Variants in AKAP8 observed in about 807,000 individuals in gnomAD.
AKAP8 encodes A-kinase anchoring protein 8, also known as A-kinase anchor protein 8.
A neutral mutation model predicts 67.5 loss-of-function variants in AKAP8; 24 were observed. That is an observed-to-expected ratio of 0.36 (90% CI 0.26 to 0.50). The LOEUF (loss-of-function observed/expected upper bound fraction) is 0.50. Among genes scored for constraint, AKAP8 ranks in the 20% least tolerant of loss-of-function variants. The pLI is 0.97. For missense variants in AKAP8, 971 were observed against 955.9 expected, an observed-to-expected ratio of 1.02 and a Z score of -0.21; for synonymous variants, 400 against 371.1, an observed-to-expected ratio of 1.08 and a Z score of -0.90.
chr19:15,364,086 AAATAAATAAATT>A (rs1475771677), intron 9 of AKAP8, among the ~76,000 whole-genome samples: 3 of 43,744 alleles, frequency 6.9e-5, no homozygotes, highest in East Asian at 1.6e-3. Context: ...ATAAATAAAT[AAATAAATAAATT>A]GGCAGTGGGC....
In AKAP8 at chr19:15,369,154, T is replaced by C; in HGVS notation, c.1073-832A>G. 1 of 985,498 alleles carries C rather than the reference T, an allele frequency of 1.0e-6. No homozygotes were observed. The highest frequency in any genetic ancestry group is 1.2e-6 in the Non-Finnish European group (1 of 829,954). 61.0% of individuals were successfully genotyped at this position (985,498 alleles called of 1,614,324 possible). ...CTCTCAAAAGGGCGTGTGGGATTTT[T>C]GGCAAGAGGTCACTGCCTGAAACTA... On this transcript the variant is annotated intron_variant, in intron 8 of 13. Transcript: ENST00000269701. The surrounding 1 kb of genome is among the most constrained non-coding windows in gnomAD (Gnocchi z 4.6).
At chr19:15,366,781 G>C (rs1014457994) in intron 9 of AKAP8, among the ~76,000 whole-genome samples, 3 of 151,886 alleles carry the variant, frequency 2.0e-5, no homozygotes, top group South Asian at 4.2e-4. Context: ...GACGAATTTT[G>C]TATTTTTAGT....
At chr19:15,361,939 C>T (rs1030504775) in intron 10 of AKAP8, 117 bp from the exon 11 acceptor site, 85 of 1,348,838 alleles carry the variant, frequency 6.3e-5, no homozygotes, top group Non-Finnish European at 3.6e-5. Flanking sequence ...CAGCACAGCA[C>T]GATGGCTGGA....
chr19:15,367,726 A>T (rs1238598942), intron 9 of AKAP8, among the ~76,000 whole-genome samples: 1 of 152,204 alleles, frequency 6.6e-6, no homozygotes, highest in Admixed American at 6.5e-5. Flanking sequence ...CTATTGTGGG[A>T]CAAAATCTTG....
Position 15,369,060 on chromosome 19 carries a change from C to A in AKAP8, c.1073-738G>T. 1.0e-6 allele frequency: 1 copy of A among 985,624 alleles called. No homozygotes were observed. The highest frequency in any genetic ancestry group is 1.2e-6 in the Non-Finnish European group (1 of 830,088). The allele number at this position is 985,624 out of a possible 1,614,324, so 61.1% of individuals were successfully genotyped here. A position where few individuals can be genotyped will look rare whatever the true frequency, so the allele number is the denominator to read the frequency against. On this transcript the variant is annotated intron_variant, in intron 8 of 13. Coordinates refer to ENST00000269701, the MANE Select transcript of AKAP8 (RefSeq NM_005858.4). This position sits in a 1 kb window ranked among gnomAD's most constrained non-coding sequence, Gnocchi z 4.6. ...GGTTGGAGAAGCATCTGAACTGTAA[C>A]CCCTACCCCTGATGCCAGTCCCGAG...
intron 7 of AKAP8, among the ~76,000 whole-genome samples, chr19:15,371,162 GGAAGGCCCTCCTTCCC>G (rs1386661218): frequency 2.6e-5 from 4 of 152,122 alleles, no homozygotes; most frequent in Non-Finnish European, 5.9e-5. Context: ...AAGGACTTGG[GGAAGGCCCTCCTTCCC>G]ACTCTGGACC....
At chr19:15,361,894 G>T in intron 10 of AKAP8, 72 bp from the exon 11 acceptor site, 2 of 1,465,572 alleles carry the variant, frequency 1.4e-6, no homozygotes, top group Non-Finnish European at 1.9e-6. Context: ...AACTGCCAGG[G>T]CTAGGCAGGC....
intron 9 of AKAP8, among the ~76,000 whole-genome samples, chr19:15,367,464 G>A (rs1202773955): frequency 6.6e-6 from 1 of 152,124 alleles, no homozygotes; most frequent in East Asian, 1.9e-4. Context: ...GGAGGCAGAG[G>A]TTATAGTGAG....
At chr19:15,363,149 C>G (rs910243674) in intron 9 of AKAP8, among the ~76,000 whole-genome samples, 76 of 149,282 alleles carry the variant, frequency 5.1e-4, no homozygotes, top group Non-Finnish European at 8.8e-4. Flanking sequence ...AAGTAAGGAG[C>G]CCCTCCGCCC....
intron 11 of AKAP8, among the ~76,000 whole-genome samples, chr19:15,361,279 T>C (rs553922416): frequency 1.3e-3 from 191 of 152,098 alleles, no homozygotes; most frequent in African/African-American, 4.5e-3. Flanking sequence ...TTTCTTTCCA[T>C]TGCTGCTGAG....
chr19:15,377,186 C>A (rs973471579), intron 1 of AKAP8, among the ~76,000 whole-genome samples, 172 bp from the exon 2 acceptor site: 2 of 152,124 alleles, frequency 1.3e-5, no homozygotes, highest in African/African-American at 2.4e-5. Flanking sequence ...ATGGCGTCAT[C>A]GCATTCCACC....
rs61750058 is a variant in AKAP8, at chr19:15,373,007, C to G, written c.705G>C (p.Leu235=). 1.5e-3 allele frequency: 2,418 copies of G among 1,571,888 alleles called. 61 individuals carry two copies. The South Asian group carries it at 0.026, about 17-fold the overall frequency. ...GTGGCCGGCTGGGGGAGGGCCCTCC[C>G]AGGCCCCGTCCACCCACGTAGTTCA... ...NELNYVGGRG[L]GGPSPSRPPP... is the part of the protein sequence containing the mutation. Residue 235 remains leucine (L), a synonymous_variant, in exon 5 of 14, where the codon CTG becomes CTC. Transcript: ENST00000269701.
At chr19:15,358,662 C>T (rs1189118831) in intron 13 of AKAP8, among the ~76,000 whole-genome samples, 1 of 152,028 alleles carries the variant, frequency 6.6e-6, no homozygotes, top group Non-Finnish European at 1.5e-5. Flanking sequence ...TTGGGTTTTT[C>T]TTAAAAAATC....
Position 15,373,827 on chromosome 19 carries a change from G to C in AKAP8, c.330C>G (p.Gly110=). 6.2e-7 allele frequency: 1 copy of C among 1,611,792 alleles called. No individual in the cohort carries two copies. The highest frequency in any genetic ancestry group is 8.5e-7 in the Non-Finnish European group (1 of 1,179,862). ...LDMMSKEGGR[G]GSGGGGEGIQ... ...TGCCCTCCCCACCGCCGCCGCTCCC[G>C]CCCCTGCCTCCTTCCTTGGACATCA... The change falls in exon 4 of 14, where the codon GGC becomes GGG. Residue 110 remains glycine, a synonymous_variant. Coordinates refer to ENST00000269701, the MANE Select transcript of AKAP8 (RefSeq NM_005858.4).
intron 13 of AKAP8, among the ~76,000 whole-genome samples, chr19:15,357,304 C>T (rs933489325): frequency 5.3e-5 from 8 of 151,276 alleles, no homozygotes; most frequent in African/African-American, 1.9e-4. Flanking sequence ...TGGTGGGCGC[C>T]TGTAGTCCCA....
intron 2 of AKAP8, 24 bp from the exon 3 acceptor site, chr19:15,374,659 A>C: frequency 1.2e-6 from 2 of 1,613,220 alleles, no homozygotes; most frequent in Non-Finnish European, 1.7e-6. Context: ...GAAACACACA[A>C]GAGCCCTGTT....
intron 1 of AKAP8, chr19:15,379,386 G>T (rs1336291193): frequency 5.8e-6 from 2 of 341,924 alleles, no homozygotes; most frequent in Non-Finnish European, 1.1e-5. Flanking sequence ...GGGTCGCTGG[G>T]GGCCGGAAGG....
chr19:15,374,038 G>C lies in AKAP8; in HGVS notation c.119C>G (p.Ala40Gly). 1.9e-6 allele frequency: 3 copies of C among 1,578,952 alleles called. No homozygotes were observed. The highest frequency in any genetic ancestry group is 2.6e-6 in the Non-Finnish European group (3 of 1,166,324). The change falls in exon 4 of 14, where the codon GCC becomes GGC. Residue 40 changes from alanine (A) to glycine (G), a missense_variant. This residue lies in a region of AKAP8 where 763 missense variants were observed against 745.4 expected (regional missense o/e 1.02). Coordinates refer to ENST00000269701, the MANE Select transcript of AKAP8 (RefSeq NM_005858.4). ...GCCTGTGGTGACACTGGTGTTCTGG[G>C]CGCCATAGTAATTGTAGTTTTCATA... ...QGYENYNYYG[A>G]QNTSVTTGAT...
At chr19:15,373,368 G>C (rs747467566) in intron 4 of AKAP8, 28 bp from the exon 5 acceptor site, 15 of 1,576,170 alleles carry the variant, frequency 9.5e-6, no homozygotes, top group Non-Finnish European at 1.1e-5. Context: ...CCCATCAGGG[G>C]CGGTCACCCC....
Sources: gnomAD v4.1 joint callset for allele counts (sites outside exome capture counted in the v4.1 genomes callset) on GRCh38, gnomAD v4.1.1 for gene constraint, gnomAD v4.1.1 regional missense constraint, Gnocchi (gnomAD v3.1) non-coding constraint, MANE v1.5 for transcripts, NCBI Gene and HGNC (gene_info 2026-07-23, HGNC 2026-07-21) for gene names.